Variants in MMP14 observed in about 807,000 individuals in gnomAD.
The protein encoded by MMP14 is matrix metalloproteinase-14.
A neutral mutation model predicts 64.8 loss-of-function variants in MMP14; 13 were observed. The ratio of observed to expected loss-of-function variants is 0.20; its 90% CI spans 0.13 to 0.32. The LOEUF (loss-of-function observed/expected upper bound fraction) is 0.32, where lower values mean the gene tolerates loss of function less well. Among genes scored for constraint, MMP14 ranks in the 10% least tolerant of loss-of-function variants. MMP14 has a pLI of 1.00. For synonymous variants in MMP14, 322 were observed against 315.9 expected (o/e 1.02, Z -0.20); for missense variants, 594 against 783.8 (o/e 0.76, Z 2.89).
rs1241775125 is a variant in MMP14 at position 22,844,446 on chromosome 14, G to C, written c.1087G>C (p.Gly363Arg). 1.9e-6 allele frequency: 3 copies of C among 1,614,002 alleles called. No individual in the cohort carries two copies. Among genetic ancestry groups the C allele is most frequent in the Non-Finnish European group, 2.5e-6 (3 of 1,180,026 alleles). The change falls in exon 7 of 10, where the codon GGC becomes CGC. Residue 363 changes from glycine (G) to arginine (R), a missense_variant. By Grantham distance (125) the Gly-to-Arg change is moderately radical. Coordinates refer to ENST00000311852, the MANE Select transcript of MMP14 (RefSeq NM_004995.4). ...AATGCCCATTGGCCAGTTCTGGCGG[G>C]GCCTGCCTGCGTCCATCAACACTGC... ...YPMPIGQFWR[G>R]LPASINTAYE...
intron 1 of MMP14, 161 bp downstream of exon 1, chr14:22,837,086 A>G: frequency 1.4e-6 from 1 of 702,808 alleles, no homozygotes; most frequent in Non-Finnish European, 2.6e-6. Flanking sequence ...TTCGTCTCCA[A>G]ACTTCCAGAT....
In MMP14 at chr14:22,844,451, G is replaced by T; in HGVS notation, c.1092G>T (p.Leu364=). 4 of 1,614,132 alleles carry T rather than the reference G, an allele frequency of 2.5e-6. No individual in the cohort carries two copies. The highest frequency in any genetic ancestry group is 3.4e-6 in the Non-Finnish European group (4 of 1,180,014). The change falls in exon 7 of 10, where the codon CTG becomes CTT. Residue 364 remains leucine, a synonymous_variant. Transcript: ENST00000311852. ...PMPIGQFWRG[L]PASINTAYER... Reference sequence around the variant, plus strand: ...CCATTGGCCAGTTCTGGCGGGGCCTGCCTGCGTCCATCAACACTGCCTACG... The same window carrying T: ...CCATTGGCCAGTTCTGGCGGGGCCTTCCTGCGTCCATCAACACTGCCTACG...
At chr14:22,839,439 T>C (rs577521836) in intron 1 of MMP14, among the ~76,000 whole-genome samples, 31 of 152,358 alleles carry the variant, frequency 2.0e-4, no homozygotes, top group African/African-American at 7.2e-4. Context: ...TGGCTCCCTC[T>C]GGTATACCAA....
At chr14:22,837,973 C>G (rs886449506) in intron 1 of MMP14, among the ~76,000 whole-genome samples, 11 of 152,148 alleles carry the variant, frequency 7.2e-5, no homozygotes, top group Non-Finnish European at 1.3e-4. Flanking sequence ...AGGAAGGGCC[C>G]TAGAAGGGGG....
chr14:22,844,885 T>G, intron 8 of MMP14, 105 bp downstream of exon 8: 2 of 1,474,988 alleles, frequency 1.4e-6, no homozygotes, highest in Non-Finnish European at 1.9e-6. Context: ...CATGCTTCCC[T>G]GGAGAAGGAG....
rs1196808110 is a variant in MMP14, at chr14:22,845,886, G to A, written c.1596G>A (p.Glu532=). The A allele has an allele frequency of 1.2e-6, 2 of 1,613,574 alleles. No homozygotes were observed. Among genetic ancestry groups the A allele is most frequent in the South Asian group, 2.2e-5 (2 of 91,060 alleles). ...TGATCATCATTGAGGTGGACGAGGA[G>A]GGCGGCGGGGCGGTGAGCGCGGCTG... The part of the protein sequence containing the change: ...TEVIIIEVDE[E]GGGAVSAAAV... The change falls in exon 10 of 10, where the codon GAG becomes GAA. Residue 532 remains glutamate, a synonymous_variant. Transcript: ENST00000311852.
In MMP14 at chr14:22,841,491, G is replaced by A; in HGVS notation, c.109G>A (p.Ala37Thr). 1 of 1,613,478 alleles carries A rather than the reference G, an allele frequency of 6.2e-7. No homozygotes were observed. The highest frequency in any genetic ancestry group is 1.1e-5 in the South Asian group (1 of 91,074). Residue 37 changes from alanine to threonine, a missense_variant and splice_region_variant, in exon 2 of 10, where the codon GCC (alanine) becomes ACC (threonine). Ala to Thr is a moderately conservative substitution (Grantham distance 58). Transcript: ENST00000311852. ...SAQSSSFSPEAWLQQYGYLPP... is the reference protein window; with the variant it reads ...SAQSSSFSPETWLQQYGYLPP... ...CTAAGCCATACCCCTTTCCCTACAG[G>A]CCTGGCTACAGCAATATGGCTACCT...
At chr14:22,844,570 T>C (rs923020335) in intron 7 of MMP14, 60 bp from the exon 8 acceptor site, 10 of 1,613,186 alleles carry the variant, frequency 6.2e-6, no homozygotes, top group Non-Finnish European at 8.5e-6. Flanking sequence ...AGGAGCTGAT[T>C]TCCTCTAAAG....
chr14:22,841,804 G>C, intron 2 of MMP14, 109 bp from the exon 3 acceptor site: 4 of 1,563,360 alleles, frequency 2.6e-6, no homozygotes, highest in Non-Finnish European at 3.5e-6. Context: ...CATAACCTTG[G>C]CCTTTCCCCA....
chr14:22,840,999 T>G (rs2039769244), intron 1 of MMP14, among the ~76,000 whole-genome samples: 1 of 152,214 alleles, frequency 6.6e-6, no homozygotes, highest in African/African-American at 2.4e-5. Context: ...TAAAAAGATC[T>G]CAGCTGTGAG....
chr14:22,844,623 T>A lies in MMP14; in HGVS notation c.1151-7T>A. On this transcript the variant is annotated splice_region_variant and splice_polypyrimidine_tract_variant and intron_variant, in intron 7 of 9. Coordinates refer to ENST00000311852, the MANE Select transcript of MMP14 (RefSeq NM_004995.4). ...GAACCCAGACGTTGCCCTCCTGTCC[T>A]CCCCAGGAGACAAGCATTGGGTGTT... The A allele has an allele frequency of 1.2e-6, 2 of 1,614,026 alleles. No individual in the cohort carries two copies. The highest frequency in any genetic ancestry group is 1.7e-6 in the Non-Finnish European group (2 of 1,180,004).
chr14:22,842,696 G>A lies in MMP14; in HGVS notation c.667G>A (p.Val223Ile), dbSNP rs1335674737. 4 of 1,605,760 alleles carry A rather than the reference G, an allele frequency of 2.5e-6. No individual in the cohort carries two copies. In the African/African-American group the frequency reaches 4.0e-5, roughly 16 times the overall value. The change falls in exon 4 of 10, where the codon GTC becomes ATC. Residue 223 changes from valine to isoleucine, a missense_variant. Around this residue, in one of 4 missense-constraint regions of MMP14, gnomAD observed 179 missense variants for 283.4 expected, o/e 0.63. Coordinates refer to ENST00000311852, the MANE Select transcript of MMP14 (RefSeq NM_004995.4). The surrounding 1 kb of genome is among the most constrained non-coding windows in gnomAD (Gnocchi z 5.3). ...CTTTGACTCTGCCGAGCCTTGGACT[G>A]TCAGGAATGAGGATCTGAATGGTGA... ...THFDSAEPWT[V>I]RNEDLNGNDI...
chr14:22,837,128 G>A, intron 1 of MMP14: 1 of 678,262 alleles, frequency 1.5e-6, no homozygotes, highest in Non-Finnish European at 2.7e-6. Context: ...CCAACCAGCT[G>A]CCCCCACCCC....
Position 22,847,370 on chromosome 14 carries a change from C to CCCCAAGA in MMP14, c.*1331_*1332insCCCAAGA. On this transcript the variant is annotated 3_prime_UTR_variant, in exon 10 of 10. Coordinates refer to ENST00000311852, the MANE Select transcript of MMP14 (RefSeq NM_004995.4). ...CTCTCGCTCCCCCACCCAGCCCACC[C>CCCCAAGA]ATTGAAGTCTCCTTGGGCCACCAAA... is the stretch of plus-strand genomic sequence containing the variant. 6.6e-6 allele frequency: 1 copy of CCCCAAGA among 150,510 alleles called. No homozygotes were observed. The allele number at this position is 150,510 out of a possible 1,614,324, so 9.3% of individuals were successfully genotyped here. A position where few individuals can be genotyped will look rare whatever the true frequency, so the allele number is the denominator to read the frequency against.
At chr14:22,845,631 C>T in intron 9 of MMP14, 77 bp from the exon 10 acceptor site, 1 of 1,465,624 alleles carries the variant, frequency 6.8e-7, no homozygotes, top group Non-Finnish European at 9.4e-7. Context: ...CTCACATTAA[C>T]AGAGCTTCCC....
rs373295924 is a variant in MMP14, at chr14:22,845,904, C to T, written c.1614C>T (p.Ser538=). 71 of 1,610,484 alleles carry T rather than the reference C, an allele frequency of 4.4e-5. No individual in the cohort carries two copies. In the African/African-American group the frequency reaches 6.8e-4, roughly 15 times the overall value. Residue 538 remains serine, a synonymous_variant, in exon 10 of 10, where the codon AGC becomes AGT. Transcript: ENST00000311852. ...EVDEEGGGAV[S]AAAVVLPVLL... is the part of the protein sequence containing the mutation. ...ACGAGGAGGGCGGCGGGGCGGTGAG[C>T]GCGGCTGCCGTGGTGCTGCCCGTGC...
intron 2 of MMP14, 101 bp from the exon 3 acceptor site, chr14:22,841,812 C>G (rs565972158): frequency 6.4e-6 from 10 of 1,553,912 alleles, no homozygotes; most frequent in Non-Finnish European, 7.8e-6. Flanking sequence ...TGGCCTTTCC[C>G]CACATTGACA....
chr14:22,841,845 T>C, intron 2 of MMP14, 68 bp from the exon 3 acceptor site: 2 of 1,604,712 alleles, frequency 1.2e-6, no homozygotes, highest in African/African-American at 1.3e-5. Context: ...TACCCAACAC[T>C]GATCGTGGAG....
In MMP14 at chr14:22,842,372, AAC is replaced by A; in HGVS notation, c.381-33_381-32del. ...GGAGAATGTTGCCCCTCTTTATCCT[AAC>A]ACACCCCATCCTCTCCCCACGTGGC... is the stretch of plus-strand genomic sequence containing the variant. On this transcript the variant is annotated intron_variant, in intron 3 of 9. Coordinates refer to ENST00000311852, the MANE Select transcript of MMP14 (RefSeq NM_004995.4). The surrounding 1 kb of genome is among the most constrained non-coding windows in gnomAD (Gnocchi z 5.3). The A allele has an allele frequency of 6.3e-7, 1 of 1,582,716 alleles. No homozygotes were observed. The highest frequency in any genetic ancestry group is 8.6e-7 in the Non-Finnish European group (1 of 1,162,808).
Sources: gnomAD v4.1 joint callset for allele counts (sites outside exome capture counted in the v4.1 genomes callset) on GRCh38, gnomAD v4.1.1 for gene constraint, gnomAD v4.1.1 regional missense constraint, Gnocchi (gnomAD v3.1) non-coding constraint, MANE v1.5 for transcripts, NCBI Gene and HGNC (gene_info 2026-07-23, HGNC 2026-07-21) for gene names.